PLA2G4A: variants seen among roughly 807,000 people sequenced by gnomAD.
PLA2G4A encodes the protein cytosolic phospholipase A2.
PLA2G4A carries 40 observed loss-of-function variants against 81.9 expected under a neutral mutation model. The observed-to-expected ratio is 0.49, with a 90% CI of 0.38 to 0.64. The LOEUF is 0.64. Among genes scored for constraint, PLA2G4A ranks in the 30% least tolerant of loss-of-function variants. PLA2G4A has a pLI of 0.00. For synonymous variants in PLA2G4A, 302 were observed against 296.9 expected (o/e 1.02, Z -0.18); for missense variants, 715 against 905.1 (o/e 0.79, Z 2.69).
intron 14 of PLA2G4A, among the ~76,000 whole-genome samples, chr1:186,956,931 G>A (rs990636940): frequency 6.6e-6 from 1 of 152,048 alleles, no homozygotes; most frequent in Non-Finnish European, 1.5e-5. Context: ...GCTCACTCCT[G>A]TAATCCTAGC....
At chr1:186,916,225 A>T (rs1191230446) in intron 7 of PLA2G4A, among the ~76,000 whole-genome samples, 1 of 152,154 alleles carries the variant, frequency 6.6e-6, no homozygotes, top group African/African-American at 2.4e-5. Flanking sequence ...GGCCCTGTCG[A>T]TTCCTAAGGT....
intron 3 of PLA2G4A, among the ~76,000 whole-genome samples, chr1:186,887,494 A>G (rs1470478816): frequency 6.6e-6 from 1 of 152,148 alleles, no homozygotes; most frequent in African/African-American, 2.4e-5. Flanking sequence ...TTATGGGAAG[A>G]AAAAAGATCT....
At chr1:186,924,529 A>C (rs943700072) in intron 7 of PLA2G4A, among the ~76,000 whole-genome samples, 2 of 152,018 alleles carry the variant, frequency 1.3e-5, no homozygotes, top group African/African-American at 4.8e-5. Context: ...ACATATAGTA[A>C]TTCCTCAAGT....
chr1:186,854,402 G>A lies in PLA2G4A; in HGVS notation c.33+15G>A. 1 of 1,526,262 alleles carries A rather than the reference G, an allele frequency of 6.6e-7. No individual in the cohort carries two copies. Among genetic ancestry groups the A allele is most frequent in the South Asian group, 1.1e-5 (1 of 89,248 alleles). The allele number at this position is 1,526,262 out of a possible 1,614,324, so 94.5% of individuals were successfully genotyped here. A position where few individuals can be genotyped will look rare whatever the true frequency, so the allele number is the denominator to read the frequency against. The stretch of plus-strand genomic sequence containing the variant: ...AGCACATTATAGTAAGTCATTCACT[G>A]TTTATGAATTCTTTCTTGGAGGGGG... On this transcript the variant is annotated intron_variant, in intron 2 of 17. Coordinates refer to ENST00000367466, the MANE Select transcript of PLA2G4A (RefSeq NM_024420.3).
chr1:186,928,330 G>A (rs1390551991), intron 7 of PLA2G4A, among the ~76,000 whole-genome samples: 4 of 152,142 alleles, frequency 2.6e-5, no homozygotes, highest in African/African-American at 4.8e-5. Context: ...AAGACCAAGT[G>A]CTATATTGGC....
At chr1:186,921,765 C>T (rs543043914) in intron 7 of PLA2G4A, among the ~76,000 whole-genome samples, 23 of 152,264 alleles carry the variant, frequency 1.5e-4, no homozygotes, top group Admixed American at 1.1e-3. Flanking sequence ...TTGGTCCCGA[C>T]TTCCCTCGGT....
intron 6 of PLA2G4A, among the ~76,000 whole-genome samples, chr1:186,907,667 A>G (rs1654789877): frequency 6.6e-6 from 1 of 152,238 alleles, no homozygotes; most frequent in African/African-American, 2.4e-5. Context: ...TTATTAGTAC[A>G]TATTTTACAC....
chr1:186,956,062 T>C (rs5007824), intron 13 of PLA2G4A, 40 bp from the exon 14 acceptor site: 1,499,298 of 1,586,872 alleles, frequency 0.94, 708,617 homozygotes, highest in East Asian at 1. Flanking sequence ...TTTAAACATG[T>C]ATTTTGGAGT....
chr1:186,889,788 C>T lies in PLA2G4A; in HGVS notation c.116-3223C>T, dbSNP rs182115187. Among the ~76,000 whole-genome samples, 85 of 152,062 alleles carry T rather than the reference C, an allele frequency of 5.6e-4. 2 individuals carry two copies. The East Asian group carries it at 0.016, about 28-fold the overall frequency. On this transcript the variant is annotated intron_variant, in intron 3 of 17. Coordinates refer to ENST00000367466, the MANE Select transcript of PLA2G4A (RefSeq NM_024420.3). ...TTTTGTTTAGACCTCTGTACTTCTT[C>T]TCTCCCCCCTCCCTCCCTCACTCTT...
At chr1:186,960,944 G>A (rs1656921466) in intron 14 of PLA2G4A, among the ~76,000 whole-genome samples, 1 of 152,098 alleles carries the variant, frequency 6.6e-6, no homozygotes, top group African/African-American at 2.4e-5. Flanking sequence ...CTCTTATTTT[G>A]TATATGAGAC....
chr1:186,869,316 AT>A (rs1653155460), intron 2 of PLA2G4A, among the ~76,000 whole-genome samples: 1 of 152,118 alleles, frequency 6.6e-6, no homozygotes, highest in Non-Finnish European at 1.5e-5. Flanking sequence ...TGTTGAAGGT[AT>A]TTCTTTTTTT....
intron 15 of PLA2G4A, among the ~76,000 whole-genome samples, chr1:186,976,910 T>C (rs901027679): frequency 1.3e-5 from 2 of 152,150 alleles, no homozygotes; most frequent in African/African-American, 2.4e-5. Flanking sequence ...GTTCTATTTC[T>C]CTTCTCATTC....
chr1:186,892,093 T>G (rs1404081122), intron 3 of PLA2G4A, among the ~76,000 whole-genome samples: 1 of 152,220 alleles, frequency 6.6e-6, no homozygotes, highest in Non-Finnish European at 1.5e-5. Context: ...TGTCTTCTTT[T>G]GAGAAATGTC....
chr1:186,956,142 T>C lies in PLA2G4A; in HGVS notation c.1377T>C (p.Asp459=). 1 of 1,613,230 alleles carries C rather than the reference T, an allele frequency of 6.2e-7. No individual in the cohort carries two copies. The change falls in exon 14 of 18, where the codon GAT becomes GAC. Residue 459 remains aspartate (D), a synonymous_variant. Transcript: ENST00000367466. ...ATGCTGGAAGTGACTATCAAAGTGATAATCAAGCAAGTTGGATTCATCGTA... is the reference window on the plus strand; with the variant it reads ...ATGCTGGAAGTGACTATCAAAGTGACAATCAAGCAAGTTGGATTCATCGTA... The part of the protein sequence containing the change: ...NEDAGSDYQS[D]NQASWIHRMI...
chr1:186,904,859 ATT>A (rs148742175), intron 5 of PLA2G4A, among the ~76,000 whole-genome samples: 1 of 86,624 alleles, frequency 1.2e-5, no homozygotes, highest in African/African-American at 6.8e-5. Context: ...ATATATATAT[ATT>A]TTTTTTTTTG....
intron 7 of PLA2G4A, among the ~76,000 whole-genome samples, chr1:186,928,828 C>T (rs1483991405): frequency 1.3e-5 from 2 of 152,068 alleles, no homozygotes; most frequent in East Asian, 3.9e-4. Context: ...AAACTCATTT[C>T]CTGTAATCAT....
At chr1:186,863,624 C>T (rs975975751) in intron 2 of PLA2G4A, among the ~76,000 whole-genome samples, 2 of 152,124 alleles carry the variant, frequency 1.3e-5, no homozygotes, top group Non-Finnish European at 2.9e-5. Context: ...ACCATTCTCT[C>T]CCCCATTTTC....
At chr1:186,879,619 A>G (rs1171495331) in intron 3 of PLA2G4A, among the ~76,000 whole-genome samples, 1 of 151,978 alleles carries the variant, frequency 6.6e-6, no homozygotes, top group South Asian at 2.1e-4. Flanking sequence ...CAACTGTTAA[A>G]TGGGAGTAAT....
chr1:186,988,811 T>A lies in PLA2G4A; in HGVS notation c.*303T>A, dbSNP rs1323286065. On this transcript the variant is annotated 3_prime_UTR_variant, in exon 18 of 18. Transcript: ENST00000367466. ...CCAACTTTCTTATGTGTGTTCTTTT[T>A]AAAAATTTTTTTTCTTTTAAAATAT... 1 of 231,812 alleles carries A rather than the reference T, an allele frequency of 4.3e-6. No homozygotes were observed. The highest frequency in any genetic ancestry group is 1.0e-4 in the East Asian group (1 of 10,004). The allele number at this position is 231,812 out of a possible 1,614,324, so 14.4% of individuals were successfully genotyped here. A position where few individuals can be genotyped will look rare whatever the true frequency, so the allele number is the denominator to read the frequency against.
Sources: gnomAD v4.1 joint callset for allele counts (sites outside exome capture counted in the v4.1 genomes callset) on GRCh38, gnomAD v4.1.1 for gene constraint, MANE v1.5 for transcripts, NCBI Gene and HGNC (gene_info 2026-07-23, HGNC 2026-07-21) for gene names.